The following ARHGAP10 variants were observed in gnomAD, a reference collection of about 807,000 sequenced individuals.
ARHGAP10 encodes the protein rho GTPase-activating protein 10.
In ARHGAP10, 87 loss-of-function variants were observed where a neutral mutation model predicts 108.6. That is an observed-to-expected ratio of 0.80 (90% CI 0.67 to 0.96). ARHGAP10 has a LOEUF of 0.96. ARHGAP10 is among the 40% of genes least tolerant of loss of function. The pLI is 0.00. For missense variants in ARHGAP10, 939 were observed against 954.5 expected (o/e 0.98, Z 0.21); for synonymous variants, 347 against 341.1 (o/e 1.02, Z -0.19).
intron 13 of ARHGAP10, among the ~76,000 whole-genome samples, chr4:147,915,918 A>G (rs1032630303): frequency 6.6e-6 from 1 of 152,150 alleles, no homozygotes; most frequent in Non-Finnish European, 1.5e-5. Flanking sequence ...AGTCTGGGCA[A>G]CATAGCATGA....
chr4:147,732,135 C>G lies in ARHGAP10; in HGVS notation c.-167C>G, dbSNP rs570849408. 2.1e-6 allele frequency: 1 copy of G among 487,580 alleles called. No individual in the cohort carries two copies. The highest frequency in any genetic ancestry group is 3.2e-6 in the Non-Finnish European group (1 of 316,008). The allele number at this position is 487,580 out of a possible 1,614,324, so 30.2% of individuals were successfully genotyped here. A position where few individuals can be genotyped will look rare whatever the true frequency, so the allele number is the denominator to read the frequency against. Reference sequence around the variant, plus strand: ...TCTCGGTGGCAGCTCCTCCGCGCCGCAGGACTCGGCTCTACGGGACATGTC... The same window carrying G: ...TCTCGGTGGCAGCTCCTCCGCGCCGGAGGACTCGGCTCTACGGGACATGTC... On this transcript the variant is annotated 5_prime_UTR_variant, in exon 1 of 23. Coordinates refer to ENST00000336498, the MANE Select transcript of ARHGAP10 (RefSeq NM_024605.4).
chr4:147,913,047 C>T, intron 12 of ARHGAP10, 27 bp from the exon 13 acceptor site: 1 of 1,586,028 alleles, frequency 6.3e-7, no homozygotes, highest in Non-Finnish European at 8.7e-7. Context: ...TAATTGTACA[C>T]TTAATGTTTT....
rs544836250 is a variant in ARHGAP10, at chr4:148,023,202, G to C, written c.1717-61G>C. On this transcript the variant is annotated intron_variant, in intron 18 of 22. Transcript: ENST00000336498. ...CAAATGTTGTGGTGCTGGTTTACTG[G>C]AGTAACACACAGGTTTCTGTTCATG... is the stretch of plus-strand genomic sequence containing the variant. 58 of 1,578,808 alleles carry C rather than the reference G, an allele frequency of 3.7e-5. No homozygotes were observed. In the African/African-American group the frequency reaches 6.6e-4, roughly 18 times the overall value.
intron 13 of ARHGAP10, among the ~76,000 whole-genome samples, chr4:147,932,421 C>G (rs534075746): frequency 6.6e-6 from 1 of 152,124 alleles, no homozygotes. Context: ...CAATGATAGA[C>G]TGGATAAAGA....
intron 1 of ARHGAP10, among the ~76,000 whole-genome samples, chr4:147,821,484 TA>T (rs1477283428): frequency 6.6e-6 from 1 of 152,182 alleles, no homozygotes; most frequent in Non-Finnish European, 1.5e-5. Context: ...TGCCTTTTCA[TA>T]TTTAGGTCTT....
chr4:147,965,021 A>C lies in ARHGAP10; in HGVS notation c.1451-3A>C. ...TTCTTTATTATTATTTTTTTTTTGGAAGAAAGCGGCAGCCCAGAATCTCGT... is the reference window on the plus strand; with the variant it reads ...TTCTTTATTATTATTTTTTTTTTGGCAGAAAGCGGCAGCCCAGAATCTCGT... On this transcript the variant is annotated splice_region_variant and splice_polypyrimidine_tract_variant and intron_variant, in intron 16 of 22. Transcript: ENST00000336498. 1 of 1,518,300 alleles carries C rather than the reference A, an allele frequency of 6.6e-7. No homozygotes were observed. Among genetic ancestry groups the C allele is most frequent in the East Asian group, 2.4e-5 (1 of 42,162 alleles). The allele number at this position is 1,518,300 out of a possible 1,614,324, so 94.1% of individuals were successfully genotyped here.
chr4:147,904,595 T>G (rs1027316947), intron 10 of ARHGAP10, among the ~76,000 whole-genome samples: 2 of 152,226 alleles, frequency 1.3e-5, no homozygotes, highest in Admixed American at 6.5e-5. Flanking sequence ...TATTCCATGA[T>G]GTATATGTGC....
At chr4:147,875,227 A>G (rs1177138421) in intron 8 of ARHGAP10, 77 bp downstream of exon 8, 7 of 1,423,728 alleles carry the variant, frequency 4.9e-6, no homozygotes, top group South Asian at 1.6e-5. Flanking sequence ...TCTTGCCATT[A>G]CTGTGACATT....
chr4:147,864,915 C>T lies in ARHGAP10; in HGVS notation c.556C>T (p.Gln186Ter). 3 of 1,614,074 alleles carry T rather than the reference C, an allele frequency of 1.9e-6. No homozygotes were observed. The highest frequency in any genetic ancestry group is 2.5e-6 in the Non-Finnish European group (3 of 1,179,972). ...GTCTCTCGAGTATGTGTGTAAGCTG[C>T]AGGAAATCCAAGAAAGAAAGAAGTT... ...ELSLEYVCKLQEIQERKKFEF... is the reference protein window; with the variant it reads ...ELSLEYVCKL Residue 186 changes from glutamine (Q) to a stop codon, truncating the protein, a stop_gained, in exon 6 of 23, where the codon CAG becomes TAG. Transcript: ENST00000336498. LOFTEE classifies it high-confidence loss of function.
intron 10 of ARHGAP10, among the ~76,000 whole-genome samples, chr4:147,883,717 C>T (rs922572606): frequency 7.2e-5 from 11 of 151,768 alleles, no homozygotes; most frequent in African/African-American, 1.2e-4. Flanking sequence ...TTTTTTGAGA[C>T]GAGTCTCACT....
chr4:147,789,541 T>C (rs899419140), intron 1 of ARHGAP10, among the ~76,000 whole-genome samples: 32 of 152,140 alleles, frequency 2.1e-4, no homozygotes, highest in African/African-American at 7.5e-4. Context: ...CCCAAAGTGC[T>C]GATTACAGGC....
In ARHGAP10 at chr4:147,881,910, T is replaced by A; in HGVS notation, c.1012T>A (p.Phe338Ile). 2 of 1,614,132 alleles carry A rather than the reference T, an allele frequency of 1.2e-6. No homozygotes were observed. The highest frequency in any genetic ancestry group is 1.7e-6 in the Non-Finnish European group (2 of 1,180,002). Residue 338 changes from phenylalanine (F) to isoleucine (I), a missense_variant, in exon 10 of 23, where the codon TTT becomes ATT. Coordinates refer to ENST00000336498, the MANE Select transcript of ARHGAP10 (RefSeq NM_024605.4). ...HTDSIDRRFC[F>I]DIEAADRPGV... ...TGACTCCATTGACAGAAGGTTTTGT[T>A]TTGACATAGAAGCTGCTGATCGGTA...
chr4:148,019,695 A>G (rs566006311), intron 18 of ARHGAP10, among the ~76,000 whole-genome samples: 52 of 152,074 alleles, frequency 3.4e-4, no homozygotes, highest in African/African-American at 1.2e-3. Context: ...GGTTGCAGTT[A>G]GCCAAGCCGA....
chr4:148,021,122 A>G (rs1320402351), intron 18 of ARHGAP10, among the ~76,000 whole-genome samples: 1 of 152,150 alleles, frequency 6.6e-6, no homozygotes, highest in Non-Finnish European at 1.5e-5. Context: ...ACAGTGCCTT[A>G]AGTCTTCTGG....
chr4:148,051,009 C>T (rs1357445433), intron 20 of ARHGAP10, among the ~76,000 whole-genome samples: 1 of 152,126 alleles, frequency 6.6e-6, no homozygotes, highest in Non-Finnish European at 1.5e-5. Context: ...CACATAGGAC[C>T]CCAGTAGATC....
At chr4:147,754,106 C>T (rs948808882) in intron 1 of ARHGAP10, among the ~76,000 whole-genome samples, 3 of 152,184 alleles carry the variant, frequency 2.0e-5, no homozygotes, top group African/African-American at 4.8e-5. Context: ...AGAACAGTGC[C>T]TTGCTCATAG....
At chr4:148,046,779 G>A in intron 19 of ARHGAP10, 113 bp from the exon 20 acceptor site, 1 of 1,112,762 alleles carries the variant, frequency 9.0e-7, no homozygotes, top group Non-Finnish European at 1.3e-6. Context: ...AGGCTGAACT[G>A]TAAATGTAAT....
At chr4:148,064,916 G>A (rs1729797764) in intron 22 of ARHGAP10, among the ~76,000 whole-genome samples, 1 of 152,174 alleles carries the variant, frequency 6.6e-6, no homozygotes, top group African/African-American at 2.4e-5. Flanking sequence ...GGATACTACT[G>A]TCCTTAAAAA....
At chr4:147,785,980 C>G (rs1247480427) in intron 1 of ARHGAP10, among the ~76,000 whole-genome samples, 1 of 152,112 alleles carries the variant, frequency 6.6e-6, no homozygotes, top group Non-Finnish European at 1.5e-5. Flanking sequence ...ACAGGTCAAA[C>G]TTCTTTCTGA....
Sources: allele counts gnomAD v4.1 joint callset (sites outside exome capture counted in the v4.1 genomes callset), GRCh38; gene constraint gnomAD v4.1.1; transcripts MANE v1.5; gene names NCBI Gene and HGNC (gene_info 2026-07-23, HGNC 2026-07-21).